Variants in GRID1 observed in about 807,000 individuals in gnomAD.
The protein encoded by GRID1 is glutamate receptor ionotropic, delta-1.
GRID1 carries 28 observed loss-of-function variants against 98.0 expected under a neutral mutation model. That is an observed-to-expected ratio of 0.29 (90% CI 0.21 to 0.39). The LOEUF (loss-of-function observed/expected upper bound fraction) is 0.39. Ranked by LOEUF, GRID1 falls within the 10% of genes least tolerant of loss-of-function variation. The probability of loss-of-function intolerance (pLI) is 1.00; values close to 1 mark genes in which losing one functional copy is unlikely to be tolerated. For synonymous variants in GRID1, 553 were observed against 538.5 expected (o/e 1.03, Z -0.37); for missense variants, 1,111 against 1,340.5 (o/e 0.83, Z 2.67).
intron 2 of GRID1, among the ~76,000 whole-genome samples, chr10:86,312,783 A>T (rs558662597): frequency 4.6e-5 from 7 of 152,360 alleles, no homozygotes; most frequent in Non-Finnish European, 1.0e-4. Context: ...CAGTGAACAG[A>T]GCCTGGAGTG....
chr10:85,679,563 G>A (rs964681771), intron 12 of GRID1, among the ~76,000 whole-genome samples: 1 of 152,146 alleles, frequency 6.6e-6, no homozygotes, highest in Non-Finnish European at 1.5e-5. Flanking sequence ...AGATATCAAT[G>A]CCCTGGAGAA....
At chr10:86,165,409 G>T (rs984303150) in intron 3 of GRID1, among the ~76,000 whole-genome samples, 1 of 152,224 alleles carries the variant, frequency 6.6e-6, no homozygotes, top group Non-Finnish European at 1.5e-5. Flanking sequence ...GACCAAGGCA[G>T]AGAGGGAAAT....
chr10:86,352,366 T>C (rs1848475042), intron 2 of GRID1, among the ~76,000 whole-genome samples: 1 of 152,208 alleles, frequency 6.6e-6, no homozygotes, highest in Admixed American at 6.5e-5. Flanking sequence ...TAGTCTGCTC[T>C]GGCTGCTAAA....
chr10:85,730,295 T>C (rs1350542094), intron 8 of GRID1, among the ~76,000 whole-genome samples: 1 of 152,222 alleles, frequency 6.6e-6, no homozygotes, highest in Admixed American at 6.5e-5. Flanking sequence ...AGAACCTACC[T>C]TGGCTCAGAA....
At chr10:86,344,358 T>A (rs1011034720) in intron 2 of GRID1, among the ~76,000 whole-genome samples, 1 of 152,140 alleles carries the variant, frequency 6.6e-6, no homozygotes, top group East Asian at 1.9e-4. Flanking sequence ...GCACAGCCAA[T>A]AAGAGGCAGA....
chr10:85,664,314 C>T (rs142116186), intron 12 of GRID1, among the ~76,000 whole-genome samples: 1 of 152,138 alleles, frequency 6.6e-6, no homozygotes, highest in East Asian at 1.9e-4. Flanking sequence ...CAATGAGGAA[C>T]CCAGGCATAT....
intron 12 of GRID1, among the ~76,000 whole-genome samples, chr10:85,683,189 G>C (rs1250255046): frequency 8.6e-5 from 13 of 152,036 alleles, no homozygotes; most frequent in Admixed American, 8.5e-4. Flanking sequence ...AAGTTCTAGA[G>C]GCTTGTTATA....
intron 8 of GRID1, among the ~76,000 whole-genome samples, chr10:85,764,508 AGCCACCTGG>A (rs1227424982): frequency 6.6e-6 from 1 of 152,212 alleles, no homozygotes; most frequent in Non-Finnish European, 1.5e-5. Flanking sequence ...GGGGAAAGTC[AGCCACCTGG>A]GCTGCTGCAG....
At chr10:85,832,325 T>C (rs956849896) in intron 8 of GRID1, among the ~76,000 whole-genome samples, 3 of 152,116 alleles carry the variant, frequency 2.0e-5, no homozygotes, top group East Asian at 3.9e-4. Context: ...CAGCATTCAA[T>C]AGTCTTAATA....
intron 4 of GRID1, among the ~76,000 whole-genome samples, chr10:85,982,770 C>A (rs1245146990): frequency 1.3e-5 from 2 of 152,136 alleles, no homozygotes; most frequent in African/African-American, 4.8e-5. Flanking sequence ...ACTTTCTTTC[C>A]CCATCCGCTA....
chr10:85,602,671 G>A lies in GRID1; in HGVS notation c.2632C>T (p.Arg878Trp), dbSNP rs143860670. 1.1e-5 allele frequency: 18 copies of A among 1,613,016 alleles called. No homozygotes were observed. The highest frequency in any genetic ancestry group is 3.3e-4 in the Middle Eastern group (2 of 6,082). ...DKEVNLEQVH[R>W]RMNSLMDEDI... ...TCATCCATGAGGCTGTTCATGCGCC[G>A]GTGGACCTGCTCCAAGTTCACTTCT... The change falls in exon 16 of 16, where the codon CGG becomes TGG. Residue 878 changes from arginine to tryptophan, a missense_variant. Arg to Trp is a moderately radical substitution (Grantham distance 101). Transcript: ENST00000327946.
chr10:85,836,790 T>C (rs1245167950), intron 8 of GRID1, among the ~76,000 whole-genome samples: 2 of 151,984 alleles, frequency 1.3e-5, no homozygotes, highest in African/African-American at 4.8e-5. Flanking sequence ...ACCTGAGCAC[T>C]CCTTGGCCTG....
chr10:85,774,463 A>G (rs1405488304), intron 8 of GRID1, among the ~76,000 whole-genome samples: 1 of 151,992 alleles, frequency 6.6e-6, no homozygotes, highest in African/African-American at 2.4e-5. Context: ...ACAAAAGCCA[A>G]AATTGACAAA....
At chr10:85,748,793 CA>C (rs1048140171) in intron 8 of GRID1, among the ~76,000 whole-genome samples, 19 of 152,154 alleles carry the variant, frequency 1.2e-4, no homozygotes, top group African/African-American at 4.6e-4. Context: ...ACCTAATAGA[CA>C]ACTCAGAGTC....
chr10:86,003,310 T>C (rs2131876267), intron 4 of GRID1, among the ~76,000 whole-genome samples: 1 of 152,342 alleles, frequency 6.6e-6, no homozygotes, highest in East Asian at 1.9e-4. Context: ...GGGGAGCCCT[T>C]GGCACATCAG....
chr10:86,359,701 A>AAAAGT (rs1403823699), intron 2 of GRID1, among the ~76,000 whole-genome samples: 1 of 152,232 alleles, frequency 6.6e-6, no homozygotes, highest in African/African-American at 2.4e-5. Flanking sequence ...ACTCACAGTA[A>AAAAGT]AAAGTAATGC....
intron 2 of GRID1, among the ~76,000 whole-genome samples, chr10:86,232,728 C>T (rs1005116473): frequency 6.6e-6 from 1 of 152,228 alleles, no homozygotes; most frequent in Non-Finnish European, 1.5e-5. Context: ...GTATTTTTCA[C>T]TATCCATCTT....
intron 4 of GRID1, among the ~76,000 whole-genome samples, chr10:86,086,125 C>T (rs1844052441): frequency 6.6e-6 from 1 of 152,164 alleles, no homozygotes; most frequent in African/African-American, 2.4e-5. Context: ...CCCAAGAAGC[C>T]CTCCCTGACC....
intron 7 of GRID1, among the ~76,000 whole-genome samples, chr10:85,855,603 A>G (rs1314830204): frequency 6.6e-6 from 1 of 152,162 alleles, no homozygotes; most frequent in Non-Finnish European, 1.5e-5. Context: ...AGATTACTCA[A>G]TTCACTTCAA....
Sources: gnomAD v4.1 joint callset for allele counts (sites outside exome capture counted in the v4.1 genomes callset) on GRCh38, gnomAD v4.1.1 for gene constraint, MANE v1.5 for transcripts, NCBI Gene and HGNC (gene_info 2026-07-23, HGNC 2026-07-21) for gene names.